TIAM1: variants seen among roughly 807,000 people sequenced by gnomAD.
TIAM1 encodes rho guanine nucleotide exchange factor TIAM1.
In TIAM1, 65 loss-of-function variants were observed where a neutral mutation model predicts 163.5. The ratio of observed to expected loss-of-function variants is 0.40; its 90% CI spans 0.33 to 0.49. The LOEUF (loss-of-function observed/expected upper bound fraction) is 0.49, where lower values mean the gene tolerates loss of function less well. Among genes scored for constraint, TIAM1 ranks in the 20% least tolerant of loss-of-function variants. TIAM1 has a pLI of 0.77. For synonymous variants in TIAM1, 833 were observed against 810.1 expected (o/e 1.03, Z -0.48); for missense variants, 1,789 against 2,044.7 (o/e 0.87, Z 2.41).
chr21:31,524,770 A>G (rs150456405), intron 1 of TIAM1, among the ~76,000 whole-genome samples: 1,890 of 152,294 alleles, frequency 0.012, 22 homozygotes, highest in South Asian at 0.042. Context: ...AAACTTACAT[A>G]GCATTTAGTG....
chr21:31,411,589 C>T (rs962618379), intron 2 of TIAM1, among the ~76,000 whole-genome samples: 5 of 151,714 alleles, frequency 3.3e-5, no homozygotes, highest in African/African-American at 1.2e-4. Flanking sequence ...AATTCTCCTG[C>T]CTCAGCCTCC....
At chr21:31,388,384 T>C (rs2076914806) in intron 2 of TIAM1, among the ~76,000 whole-genome samples, 1 of 152,086 alleles carries the variant, frequency 6.6e-6, no homozygotes, top group African/African-American at 2.4e-5. Context: ...CTCACACCTA[T>C]AAGCCCAACA....
At chr21:31,177,030 G>A (rs2084794102) in intron 15 of TIAM1, among the ~76,000 whole-genome samples, 1 of 152,208 alleles carries the variant, frequency 6.6e-6, no homozygotes, top group South Asian at 2.1e-4. Flanking sequence ...TGCAGACTGA[G>A]GTGGCGTAGA....
intron 1 of TIAM1, among the ~76,000 whole-genome samples, chr21:31,520,987 A>G (rs1569408689): frequency 6.6e-6 from 1 of 152,220 alleles, no homozygotes. Context: ...GGGTTTAGAC[A>G]CAGCATGTGT....
At chr21:31,401,562 C>CAT (rs905352577) in intron 2 of TIAM1, among the ~76,000 whole-genome samples, 5 of 152,188 alleles carry the variant, frequency 3.3e-5, no homozygotes, top group African/African-American at 1.2e-4. Flanking sequence ...ACCCATCATA[C>CAT]ATACACCCTT....
chr21:31,530,165 A>T (rs1242914505), intron 1 of TIAM1, among the ~76,000 whole-genome samples: 4 of 152,208 alleles, frequency 2.6e-5, no homozygotes, highest in Non-Finnish European at 5.9e-5. Context: ...CTCATCTGGG[A>T]AGGTCTCCTC....
intron 1 of TIAM1, among the ~76,000 whole-genome samples, chr21:31,514,040 C>T (rs540775910): frequency 1.1e-4 from 16 of 152,108 alleles, no homozygotes; most frequent in Non-Finnish European, 2.1e-4. Flanking sequence ...TCTGGCACAT[C>T]CCCCAAAGGC....
intron 1 of TIAM1, among the ~76,000 whole-genome samples, chr21:31,484,265 C>T (rs143723315): frequency 2.0e-5 from 3 of 152,200 alleles, no homozygotes; most frequent in African/African-American, 7.2e-5. Context: ...GAACACTGTA[C>T]CCCAACTGCC....
In TIAM1 at chr21:31,164,954, T is replaced by A. The variant is rs1294314637; in HGVS notation, c.2991+8A>T. The A allele has an allele frequency of 3.7e-6, 6 of 1,613,526 alleles. No homozygotes were observed. Among genetic ancestry groups the A allele is most frequent in the Non-Finnish European group, 5.1e-6 (6 of 1,179,740 alleles). On this transcript the variant is annotated splice_region_variant and intron_variant, in intron 16 of 27. Coordinates refer to ENST00000541036, the MANE Select transcript of TIAM1 (RefSeq NM_001353694.2). ...AAAGCATGGGATGTGAAAATGAAAATCTCTCACCTTGCTGCTGTGATCAGT... is the reference window on the plus strand; with the variant it reads ...AAAGCATGGGATGTGAAAATGAAAAACTCTCACCTTGCTGCTGTGATCAGT...
chr21:31,183,508 CA>C (rs1369514873), intron 14 of TIAM1, among the ~76,000 whole-genome samples: 1 of 152,000 alleles, frequency 6.6e-6, no homozygotes, highest in Non-Finnish European at 1.5e-5. Context: ...ATGGAAAAAC[CA>C]ACTTGAAAAA....
At chr21:31,312,162 G>A (rs1252540879) in intron 2 of TIAM1, among the ~76,000 whole-genome samples, 1 of 152,202 alleles carries the variant, frequency 6.6e-6, no homozygotes, top group Non-Finnish European at 1.5e-5. Flanking sequence ...CTTGCAGAAA[G>A]CCTGTTGAGG....
intron 10 of TIAM1, among the ~76,000 whole-genome samples, chr21:31,210,942 CCAAT>C (rs1227099721): frequency 6.8e-6 from 1 of 146,338 alleles, no homozygotes; most frequent in African/African-American, 2.8e-5. Flanking sequence ...TGGTGAAGCC[CCAAT>C]CATTTTTTTT....
rs141146421 is a variant in TIAM1, at chr21:31,195,534, CTCTG to C, written c.2494-233_2494-230del. 1.7e-3 allele frequency among the ~76,000 whole-genome samples: 261 copies of C among 152,334 alleles called. 1 individual carries two copies. Among genetic ancestry groups the C allele is most frequent in the African/African-American group, 6.0e-3 (248 of 41,570 alleles). ...GTTTCTAAGTAATTCCTCCACATCA[CTCTG>C]TCTGTCTATTCCTACCCAATGTCTA... On this transcript the variant is annotated intron_variant, in intron 12 of 27. Coordinates refer to ENST00000541036, the MANE Select transcript of TIAM1 (RefSeq NM_001353694.2).
intron 19 of TIAM1, 142 bp from the exon 20 acceptor site, chr21:31,147,145 T>C (rs1343239309): frequency 4.4e-6 from 3 of 674,606 alleles, no homozygotes; most frequent in Non-Finnish European, 7.9e-6. Context: ...TTCTTTGCTA[T>C]CAAATGCCCT....
At chr21:31,488,761 T>C (rs561961051) in intron 1 of TIAM1, among the ~76,000 whole-genome samples, 2 of 151,966 alleles carry the variant, frequency 1.3e-5, no homozygotes, top group Non-Finnish European at 2.9e-5. Context: ...CATCTTGGCA[T>C]GTGGGGATTA....
intron 2 of TIAM1, among the ~76,000 whole-genome samples, chr21:31,376,019 T>G (rs1418116756): frequency 6.9e-6 from 1 of 145,498 alleles, no homozygotes. Context: ...ACAGTGAGAC[T>G]CCACCTCAAA....
chr21:31,549,634 G>C lies in TIAM1; in HGVS notation c.-422+9293C>G, dbSNP rs79681907. ...AGGAGATACAGCCGCTCATCCAATA[G>C]GATGGCTATAATCAAAAAGACAGAC... On this transcript the variant is annotated intron_variant, in intron 1 of 28. Transcript: ENST00000286827. Among the ~76,000 whole-genome samples the C allele has an allele frequency of 3.0e-3, 456 of 152,276 alleles. 1 individual carries two copies. Among genetic ancestry groups the C allele is most frequent in the African/African-American group, 0.01 (433 of 41,548 alleles).
chr21:31,461,511 AATG>A (rs1214995678), intron 2 of TIAM1, among the ~76,000 whole-genome samples: 2 of 152,202 alleles, frequency 1.3e-5, no homozygotes, highest in Non-Finnish European at 2.9e-5. Context: ...AAAAATTTAA[AATG>A]CTGAATTTGG....
chr21:31,406,699 A>T (rs887830440), intron 2 of TIAM1, among the ~76,000 whole-genome samples: 1 of 152,186 alleles, frequency 6.6e-6, no homozygotes, highest in African/African-American at 2.4e-5. Context: ...AGCCCATCAG[A>T]GCTCTCAGCC....
Sources: gnomAD v4.1 joint callset for allele counts (sites outside exome capture counted in the v4.1 genomes callset) on GRCh38, gnomAD v4.1.1 for gene constraint, MANE v1.5 for transcripts, NCBI Gene and HGNC (gene_info 2026-07-23, HGNC 2026-07-21) for gene names.